Variants in CDCA2 observed in about 807,000 individuals in gnomAD.
CDCA2 encodes the protein cell division cycle associated 2.
CDCA2 carries 44 observed loss-of-function variants against 67.0 expected under a neutral mutation model. The ratio of observed to expected loss-of-function variants is 0.66; its 90% CI spans 0.52 to 0.84. CDCA2 has a LOEUF of 0.84. Ranked by LOEUF, CDCA2 falls within the 40% of genes least tolerant of loss-of-function variation. The pLI is 0.00. For missense variants in CDCA2, 1,253 were observed against 1,203.2 expected, an observed-to-expected ratio of 1.04 and a Z score of -0.61; for synonymous variants, 447 against 418.7, an observed-to-expected ratio of 1.07 and a Z score of -0.82.
Position 25,472,380 on chromosome 8 carries a change from T to C in CDCA2, c.820+2400T>C, listed in dbSNP as rs1803192891. On this transcript the variant is annotated intron_variant, in intron 7 of 14. Transcript: ENST00000330560. ...CATTCTCCCACCTCAGCCTCCCGAG[T>C]AGCTGGGATTACAGGTACCCGCCAC... Among the ~76,000 whole-genome samples, 3 of 151,980 alleles carry C rather than the reference T, an allele frequency of 2.0e-5. No homozygotes were observed. The South Asian group carries it at 6.2e-4, about 31-fold the overall frequency.
chr8:25,476,800 C>T (rs1177053446), intron 7 of CDCA2, among the ~76,000 whole-genome samples: 1 of 152,036 alleles, frequency 6.6e-6, no homozygotes, highest in African/African-American at 2.4e-5. Context: ...GTGATCTGCC[C>T]ACCTAGGCCT....
At chr8:25,479,247 C>A (rs1442969151) in intron 7 of CDCA2, among the ~76,000 whole-genome samples, 1 of 152,104 alleles carries the variant, frequency 6.6e-6, no homozygotes, top group African/African-American at 2.4e-5. Flanking sequence ...TTTCCCTCTC[C>A]CTCCTCCCTG....
At chr8:25,506,463 C>T (rs750605712) in intron 14 of CDCA2, 47 bp from the exon 15 acceptor site, 3 of 1,453,960 alleles carry the variant, frequency 2.1e-6, no homozygotes, top group Non-Finnish European at 2.8e-6. Flanking sequence ...AAGTTCATTC[C>T]CATTGTTACT....
At chr8:25,504,955 GATT>G (rs1311385256) in intron 14 of CDCA2, among the ~76,000 whole-genome samples, 1 of 152,162 alleles carries the variant, frequency 6.6e-6, no homozygotes, top group Non-Finnish European at 1.5e-5. Context: ...TTCAAAAGAT[GATT>G]AAACAGTGAC....
intron 11 of CDCA2, 25 bp from the exon 12 acceptor site, chr8:25,487,221 A>T: frequency 6.5e-7 from 1 of 1,536,424 alleles, no homozygotes; most frequent in Middle Eastern, 1.7e-4. Flanking sequence ...TCCTACCCTG[A>T]TTTAGCTTTT....
chr8:25,481,583 G>A (rs984249654), intron 8 of CDCA2, among the ~76,000 whole-genome samples: 9 of 151,954 alleles, frequency 5.9e-5, no homozygotes, highest in Non-Finnish European at 7.4e-5. Context: ...CCAGCTACTC[G>A]GGAGGCTGGG....
intron 5 of CDCA2, among the ~76,000 whole-genome samples, chr8:25,467,061 A>AAC (rs1802935997): frequency 2.8e-5 from 4 of 141,572 alleles, no homozygotes; most frequent in South Asian, 2.2e-4. Context: ...AAAAAAAAAA[A>AAC]AAAAACACAC....
At chr8:25,475,567 A>G (rs1240371160) in intron 7 of CDCA2, among the ~76,000 whole-genome samples, 3 of 152,174 alleles carry the variant, frequency 2.0e-5, no homozygotes, top group African/African-American at 7.2e-5. Context: ...TAGTTGGCTC[A>G]CATCTTTACA....
intron 7 of CDCA2, 173 bp from the exon 8 acceptor site, chr8:25,479,740 T>C: frequency 3.2e-6 from 2 of 633,786 alleles, no homozygotes; most frequent in East Asian, 2.8e-5. Context: ...GCTGCTTCTT[T>C]ACCTCCTTTT....
chr8:25,504,721 T>A (rs1210531466), intron 14 of CDCA2, among the ~76,000 whole-genome samples: 1 of 152,278 alleles, frequency 6.6e-6, no homozygotes, highest in East Asian at 1.9e-4. Context: ...CAGGCTGTGT[T>A]GTGACAGGGC....
At chr8:25,496,250 A>G (rs1383684073) in intron 13 of CDCA2, among the ~76,000 whole-genome samples, 1 of 152,222 alleles carries the variant, frequency 6.6e-6, no homozygotes, top group Admixed American at 6.5e-5. Context: ...TTGAAGTACA[A>G]TCATGAAATA....
Position 25,484,149 on chromosome 8 carries a change from A to G in CDCA2, c.1304A>G (p.Glu435Gly). 1 of 1,614,192 alleles carries G rather than the reference A, an allele frequency of 6.2e-7. No individual in the cohort carries two copies. The change falls in exon 10 of 15, where the codon GAG (glutamate) becomes GGG (glycine). Residue 435 changes from glutamate (E) to glycine (G), a missense_variant. Transcript: ENST00000330560. The stretch of plus-strand genomic sequence containing the variant: ...AGTGGTCTCAGTTCCCTGCTGCTTG[A>G]GCAGTCACCTGTTCCTGAGCCATTA... ...DFSGLSSLLL[E>G]QSPVPEPLPQ...
intron 11 of CDCA2, 40 bp downstream of exon 11, chr8:25,485,877 TTA>T: frequency 8.5e-7 from 1 of 1,181,124 alleles, no homozygotes; most frequent in South Asian, 1.3e-5. Flanking sequence ...ATGTCATTTT[TTA>T]TATGTGTATA....
chr8:25,506,076 A>G (rs73677327), intron 14 of CDCA2, among the ~76,000 whole-genome samples: 164 of 152,338 alleles, frequency 1.1e-3, no homozygotes, highest in African/African-American at 3.8e-3. Context: ...AATACCCCAG[A>G]ATTCCAAATT....
Position 25,484,589 on chromosome 8 carries a change from A to ATT in CDCA2, c.1365+398_1365+399dup, listed in dbSNP as rs35499692. On this transcript the variant is annotated intron_variant, in intron 10 of 14. Transcript: ENST00000330560. The stretch of plus-strand genomic sequence containing the variant: ...ACAGAGAAAACTCTAGGTATAGATG[A>ATT]TTTTTTTTTTTTTTTTTTTTGAGAT... 7.5e-4 allele frequency among the ~76,000 whole-genome samples: 98 copies of ATT among 130,764 alleles called. 1 individual carries two copies. Among genetic ancestry groups the ATT allele is most frequent in the African/African-American group, 2.5e-3 (86 of 34,536 alleles). The allele number at this position is 130,764 out of a possible 152,430, so 85.8% of individuals were successfully genotyped here.
chr8:25,494,548 G>A (rs1804137929), intron 13 of CDCA2, among the ~76,000 whole-genome samples: 1 of 152,072 alleles, frequency 6.6e-6, no homozygotes, highest in Non-Finnish European at 1.5e-5. Context: ...TTGAGTATCT[G>A]CAGATTTTTG....
At chr8:25,464,473 A>G (rs1218157982) in intron 4 of CDCA2, among the ~76,000 whole-genome samples, 1 of 152,230 alleles carries the variant, frequency 6.6e-6, no homozygotes, top group Non-Finnish European at 1.5e-5. Flanking sequence ...TTTGTGGTGC[A>G]TGGAAGGAAG....
intron 7 of CDCA2, among the ~76,000 whole-genome samples, chr8:25,471,898 A>G (rs934745300): frequency 6.6e-6 from 1 of 152,254 alleles, no homozygotes; most frequent in African/African-American, 2.4e-5. Flanking sequence ...CTACCATAGT[A>G]GATGGGGCCT....
At position 25,460,514 on chromosome 8, in the gene CDCA2, A is replaced by G; in HGVS notation, c.192A>G (p.Gln64=). 1.2e-6 allele frequency: 2 copies of G among 1,614,186 alleles called. No homozygotes were observed. The highest frequency in any genetic ancestry group is 1.7e-6 in the Non-Finnish European group (2 of 1,180,036). ...ACTTTTCCACAGTAACCGTAGAGCA[A>G]TTGGGAATTACACCTGAAAGCTTTG... is the stretch of plus-strand genomic sequence containing the variant. ...PLNFSTVTVE[Q]LGITPESFVR... is the part of the protein sequence containing the mutation. The change falls in exon 3 of 15, where the codon CAA becomes CAG. Residue 64 remains glutamine (Q), a synonymous_variant. Coordinates refer to ENST00000330560, the MANE Select transcript of CDCA2 (RefSeq NM_152562.4).
Sources: gnomAD v4.1 joint callset for allele counts (sites outside exome capture counted in the v4.1 genomes callset) on GRCh38, gnomAD v4.1.1 for gene constraint, MANE v1.5 for transcripts, NCBI Gene and HGNC (gene_info 2026-07-23, HGNC 2026-07-21) for gene names.